Variants in GABRG1 observed in about 807,000 individuals in gnomAD.
GABRG1 encodes gamma-aminobutyric acid receptor subunit gamma-1.
In GABRG1, 49 loss-of-function variants were observed where a neutral mutation model predicts 49.8. The ratio of observed to expected loss-of-function variants is 0.98; its 90% CI spans 0.78 to 1.25. The LOEUF (loss-of-function observed/expected upper bound fraction) is 1.25, where lower values mean the gene tolerates loss of function less well. GABRG1 is among the 50% of genes most tolerant of loss of function. GABRG1 has a pLI of 0.00. For missense variants in GABRG1, 552 were observed against 552.3 expected (o/e 1.00, Z 0.01); for synonymous variants, 232 against 185.1 (o/e 1.25, Z -2.06).
intron 1 of GABRG1, among the ~76,000 whole-genome samples, chr4:46,105,401 T>G (rs181877104): frequency 1.3e-5 from 2 of 151,510 alleles, no homozygotes; most frequent in Admixed American, 1.3e-4. Context: ...AACACTACTG[T>G]TTTTTTGTAA....
chr4:46,083,957 A>C, intron 3 of GABRG1, 29 bp downstream of exon 3: 1 of 1,195,066 alleles, frequency 8.4e-7, no homozygotes, highest in Non-Finnish European at 1.2e-6. Flanking sequence ...TCTCTGTGGC[A>C]GTTATTATTT....
chr4:46,041,469 CT>C, intron 8 of GABRG1, among the ~76,000 whole-genome samples: 1 of 151,722 alleles, frequency 6.6e-6, no homozygotes, highest in East Asian at 1.9e-4. Context: ...TGAAATACCC[CT>C]GAAAAATAAA....
intron 1 of GABRG1, among the ~76,000 whole-genome samples, chr4:46,111,718 T>C (rs556921812): frequency 6.6e-6 from 1 of 151,034 alleles, no homozygotes; most frequent in African/African-American, 2.4e-5. Flanking sequence ...TTCAACAAAT[T>C]TGGCAAAAAT....
intron 3 of GABRG1, among the ~76,000 whole-genome samples, chr4:46,083,550 T>C (rs1719647886): frequency 6.6e-6 from 1 of 151,740 alleles, no homozygotes; most frequent in Non-Finnish European, 1.5e-5. Context: ...CTTTACACTT[T>C]ATATTCCAGT....
At chr4:46,063,545 A>T (rs1718793718) in intron 5 of GABRG1, among the ~76,000 whole-genome samples, 1 of 152,228 alleles carries the variant, frequency 6.6e-6, no homozygotes, top group East Asian at 1.9e-4. Flanking sequence ...TTCAAGATGG[A>T]TTAAAGACTT....
chr4:46,097,154 A>T (rs1577662269), intron 2 of GABRG1, 47 bp downstream of exon 2: 1 of 1,479,296 alleles, frequency 6.8e-7, no homozygotes, highest in Non-Finnish European at 9.1e-7. Flanking sequence ...ACCAGTAATG[A>T]TATGTTTAAT....
chr4:46,118,132 G>GTGTGTATATATATATATATA lies in GABRG1; in HGVS notation c.104+5677_104+5678insTATATATATATATATACACA, dbSNP rs377481920. ...TATATACATATATACGTGTGTGTGTGTATATATATATATACAGCTACAGTA... is the reference window on the plus strand; with the variant it reads ...TATATACATATATACGTGTGTGTGTGTGTGTATATATATATATATATATATATATATATACAGCTACAGTA... On this transcript the variant is annotated intron_variant, in intron 1 of 8. Transcript: ENST00000295452. 3.4e-4 allele frequency among the ~76,000 whole-genome samples: 37 copies of GTGTGTATATATATATATATA among 109,966 alleles called. 3 individuals are homozygous for GTGTGTATATATATATATATA. The highest frequency in any genetic ancestry group is 1.8e-3 in the African/African-American group (33 of 17,896). 72.1% of individuals were successfully genotyped at this position (109,966 alleles called of 152,430 possible).
rs117363043 is a variant in GABRG1, at chr4:46,104,965, A to G, written c.105-7616T>C. Among the ~76,000 whole-genome samples the G allele has an allele frequency of 4.9e-4, 74 of 151,606 alleles. 1 individual carries two copies. The East Asian group carries it at 0.013, about 27-fold the overall frequency. Reference sequence around the variant, plus strand: ...TTATATTTCTGTAAACCCTTAGGTAATGAATATATATTAAACATTACTGGA... The same window carrying G: ...TTATATTTCTGTAAACCCTTAGGTAGTGAATATATATTAAACATTACTGGA... On this transcript the variant is annotated intron_variant, in intron 1 of 8. Coordinates refer to ENST00000295452, the MANE Select transcript of GABRG1 (RefSeq NM_173536.4).
chr4:46,121,291 AC>A (rs746660625), intron 1 of GABRG1, among the ~76,000 whole-genome samples: 3 of 151,868 alleles, frequency 2.0e-5, no homozygotes, highest in Non-Finnish European at 4.4e-5. Context: ...GGGAAAACTA[AC>A]CAAAAGAAAG....
chr4:46,111,917 G>A (rs1462734186), intron 1 of GABRG1, among the ~76,000 whole-genome samples: 1 of 151,190 alleles, frequency 6.6e-6, no homozygotes, highest in East Asian at 2.0e-4. Context: ...ACACCATTCT[G>A]GATGTCAGCT....
intron 3 of GABRG1, among the ~76,000 whole-genome samples, chr4:46,078,934 A>C (rs2109419445): frequency 6.6e-6 from 1 of 152,060 alleles, no homozygotes; most frequent in South Asian, 2.1e-4. Flanking sequence ...GCCTATCTAC[A>C]TTAAGGTTGG....
At chr4:46,067,729 A>C (rs535849168) in intron 3 of GABRG1, among the ~76,000 whole-genome samples, 1 of 152,298 alleles carries the variant, frequency 6.6e-6, no homozygotes, top group Admixed American at 6.5e-5. Flanking sequence ...ACCCTTGCTT[A>C]TATACTGTGT....
At chr4:46,117,604 C>A (rs1487278249) in intron 1 of GABRG1, among the ~76,000 whole-genome samples, 7 of 140,038 alleles carry the variant, frequency 5.0e-5, no homozygotes, top group Admixed American at 3.6e-4. Flanking sequence ...CTCTCTCTCT[C>A]TCTCTCTCTA....
intron 3 of GABRG1, among the ~76,000 whole-genome samples, chr4:46,081,668 T>C (rs1294620746): frequency 6.6e-6 from 1 of 151,840 alleles, no homozygotes; most frequent in Admixed American, 6.6e-5. Flanking sequence ...TATTTGAGAA[T>C]TATCTTTGGA....
intron 1 of GABRG1, among the ~76,000 whole-genome samples, chr4:46,117,745 TATACATACATGTATATACATATACA>T (rs1359862597): frequency 2.1e-5 from 3 of 143,540 alleles, no homozygotes; most frequent in Non-Finnish European, 1.5e-5. Flanking sequence ...CATATACACA[TATACATACATGTATATACATATACA>T]TATATACATA....
chr4:46,078,770 T>A (rs1027734294), intron 3 of GABRG1, among the ~76,000 whole-genome samples: 1 of 152,004 alleles, frequency 6.6e-6, no homozygotes, highest in African/African-American at 2.4e-5. Flanking sequence ...TGACCATAGA[T>A]TTTGGTCAAA....
intron 5 of GABRG1, among the ~76,000 whole-genome samples, chr4:46,059,698 C>T (rs1428386229): frequency 3.3e-5 from 5 of 152,134 alleles, no homozygotes; most frequent in Non-Finnish European, 1.5e-5. Flanking sequence ...CAGGCATGAG[C>T]CACCACGCCT....
In GABRG1 at chr4:46,118,074, GTA is replaced by G. The variant is rs201303044; in HGVS notation, c.104+5734_104+5735del. On this transcript the variant is annotated intron_variant, in intron 1 of 8. Coordinates refer to ENST00000295452, the MANE Select transcript of GABRG1 (RefSeq NM_173536.4). The stretch of plus-strand genomic sequence containing the variant: ...TGTGTGTATGTATACATATGTGTGT[GTA>G]TATATATACATATGTATACATATGT... Among the ~76,000 whole-genome samples the G allele has an allele frequency of 1.3e-4, 15 of 114,754 alleles. 1 individual carries two copies. The highest frequency in any genetic ancestry group is 6.0e-4 in the African/African-American group (11 of 18,246). 75.3% of individuals were successfully genotyped at this position (114,754 alleles called of 152,430 possible). A position where few individuals can be genotyped will look rare whatever the true frequency, so the allele number is the denominator to read the frequency against.
chr4:46,047,891 C>T (rs920527086), intron 8 of GABRG1, among the ~76,000 whole-genome samples: 2 of 151,976 alleles, frequency 1.3e-5, no homozygotes, highest in South Asian at 2.1e-4. Flanking sequence ...GCAAAGAACA[C>T]ATTCTATCTC....
Sources: gnomAD v4.1 joint callset for allele counts (sites outside exome capture counted in the v4.1 genomes callset) on GRCh38, gnomAD v4.1.1 for gene constraint, MANE v1.5 for transcripts, NCBI Gene and HGNC (gene_info 2026-07-23, HGNC 2026-07-21) for gene names.